The following KALRN variants were observed in gnomAD, a reference collection of about 807,000 sequenced individuals.
KALRN encodes kalirin.
A neutral mutation model predicts 353.7 loss-of-function variants in KALRN; 70 were observed. The ratio of observed to expected loss-of-function variants is 0.20; its 90% CI spans 0.16 to 0.24. The LOEUF is 0.24. Among genes scored for constraint, KALRN ranks in the 10% least tolerant of loss-of-function variants. The pLI is 1.00. For missense variants in KALRN, 2,791 were observed against 3,756.7 expected (o/e 0.74, Z 6.72); for synonymous variants, 1,391 against 1,434.8 (o/e 0.97, Z 0.69).
chr3:124,379,553 G>A (rs142382416), intron 10 of KALRN, among the ~76,000 whole-genome samples: 2 of 152,310 alleles, frequency 1.3e-5, no homozygotes, highest in East Asian at 3.9e-4. Flanking sequence ...CTCTTAAAAT[G>A]TACTAGGCAG....
chr3:124,084,664 G>A (rs773599831), intron 1 of KALRN, among the ~76,000 whole-genome samples: 10 of 152,232 alleles, frequency 6.6e-5, no homozygotes, highest in Non-Finnish European at 1.5e-4. Flanking sequence ...GTTACAACAC[G>A]TGAAGTTCTG....
chr3:124,683,223 G>T (rs1274673537), intron 51 of KALRN, among the ~76,000 whole-genome samples: 1 of 152,134 alleles, frequency 6.6e-6, no homozygotes, highest in African/African-American at 2.4e-5. Context: ...AGACTGCCTT[G>T]TGCCTTTTGC....
intron 5 of KALRN, among the ~76,000 whole-genome samples, chr3:124,286,131 C>CTTTCTTTCTTTCTT: frequency 7.0e-6 from 1 of 143,116 alleles, no homozygotes; most frequent in South Asian, 2.2e-4. Context: ...TTCTTTCTTT[C>CTTTCTTTCTTTCTT]TTTCTTTCCT....
intron 1 of KALRN, among the ~76,000 whole-genome samples, chr3:124,088,901 A>G (rs1227392584): frequency 1.3e-5 from 2 of 152,156 alleles, no homozygotes; most frequent in African/African-American, 4.8e-5. Context: ...GAGAATATTC[A>G]AATTGGCTAG....
chr3:124,379,201 G>GT (rs2086979922), intron 10 of KALRN, among the ~76,000 whole-genome samples: 1 of 151,866 alleles, frequency 6.6e-6, no homozygotes, highest in Non-Finnish European at 1.5e-5. Flanking sequence ...ACAGTCTAAT[G>GT]TTTTTCATCT....
intron 1 of KALRN, among the ~76,000 whole-genome samples, chr3:124,200,725 G>C (rs568893634): frequency 6.6e-6 from 1 of 152,268 alleles, no homozygotes; most frequent in South Asian, 2.1e-4. Flanking sequence ...AGCCTGAGAG[G>C]CTTTTCTAAG....
At chr3:124,252,535 C>T (rs867864036) in intron 3 of KALRN, among the ~76,000 whole-genome samples, 4 of 152,180 alleles carry the variant, frequency 2.6e-5, no homozygotes, top group Non-Finnish European at 5.9e-5. Flanking sequence ...TAAGATACTA[C>T]CTTTGCACCA....
At chr3:124,636,309 A>G (rs944682798) in intron 36 of KALRN, among the ~76,000 whole-genome samples, 2 of 152,130 alleles carry the variant, frequency 1.3e-5, no homozygotes, top group African/African-American at 4.8e-5. Flanking sequence ...AGGGTTAACT[A>G]TTTCTCCCCC....
In KALRN at chr3:124,633,937, C is replaced by T. The variant is rs2081069167; in HGVS notation, c.5552C>T (p.Pro1851Leu). ...PPPMKIFDNDPTQDEMSSSLL... is the reference protein window; with the variant it reads ...PPPMKIFDNDLTQDEMSSSLL... The stretch of plus-strand genomic sequence containing the variant: ...CCTATGAAGATTTTTGACAACGACC[C>T]TACACAGGATGAAATGGTAGAACTT... The change falls in exon 36 of 60, where the codon CCT becomes CTT. Residue 1851 changes from proline to leucine, a missense_variant. Coordinates refer to ENST00000682506, the MANE Select transcript of KALRN (RefSeq NM_001388419.1). The T allele has an allele frequency of 1.2e-6, 2 of 1,613,678 alleles. No homozygotes were observed. Among genetic ancestry groups the T allele is most frequent in the Non-Finnish European group, 1.7e-6 (2 of 1,179,720 alleles).
At chr3:124,372,901 A>G (rs984678443) in intron 10 of KALRN, among the ~76,000 whole-genome samples, 1 of 152,248 alleles carries the variant, frequency 6.6e-6, no homozygotes, top group South Asian at 2.1e-4. Flanking sequence ...CTTCCCTTGG[A>G]TGAGCGGTTT....
At chr3:124,557,666 G>A (rs1296785043) in intron 33 of KALRN, among the ~76,000 whole-genome samples, 3 of 152,192 alleles carry the variant, frequency 2.0e-5, no homozygotes, top group Non-Finnish European at 4.4e-5. Context: ...TGTGAACTTG[G>A]TGCCTAAGGC....
intron 11 of KALRN, among the ~76,000 whole-genome samples, chr3:124,394,147 G>A (rs2089857926): frequency 6.6e-6 from 1 of 152,232 alleles, no homozygotes; most frequent in African/African-American, 2.4e-5. Flanking sequence ...TTTGTGCAAA[G>A]GCACCATGAG....
In KALRN at chr3:124,521,819, C is replaced by G. The variant is rs567401742; in HGVS notation, c.4935+25406C>G. On this transcript the variant is annotated intron_variant, in intron 33 of 59. Transcript: ENST00000682506. ...TACAGGTGTTTCAGTGTTTTGGTCT[C>G]ACCCCAATACTTTCTCATCTCCCAG... 2.0e-3 allele frequency among the ~76,000 whole-genome samples: 310 copies of G among 152,200 alleles called. 1 individual carries two copies. The highest frequency in any genetic ancestry group is 6.8e-3 in the Middle Eastern group (2 of 294).
At chr3:124,588,063 A>C (rs2075393832) in intron 34 of KALRN, among the ~76,000 whole-genome samples, 1 of 152,152 alleles carries the variant, frequency 6.6e-6, no homozygotes, top group Non-Finnish European at 1.5e-5. Flanking sequence ...CCCTATCTTG[A>C]AACTGGTGTT....
In KALRN at chr3:124,671,874, T is replaced by C; in HGVS notation, c.6918T>C (p.Pro2306=). 1 of 1,613,876 alleles carries C rather than the reference T, an allele frequency of 6.2e-7. No homozygotes were observed. The part of the protein sequence containing the change: ...NGSPGFEYHQ[P]GDKFEASKND... ...GTCCAGGGTTTGAATACCACCAGCC[T>C]GGGGACAAGTTCGAAGCCAGCAAGG... The change falls in exon 48 of 60, where the codon CCT becomes CCC. Residue 2306 remains proline (P), a synonymous_variant. Transcript: ENST00000682506.
chr3:124,518,638 A>G, intron 33 of KALRN: 1 of 1,475,836 alleles, frequency 6.8e-7, no homozygotes, highest in Non-Finnish European at 9.0e-7. Flanking sequence ...CGCCTGGGCC[A>G]TGGGCTCACC....
chr3:124,562,793 C>G (rs550184649), intron 33 of KALRN, 50 bp from the exon 34 acceptor site: 49 of 1,277,432 alleles, frequency 3.8e-5, no homozygotes, highest in South Asian at 6.5e-5. Context: ...ATTTCTCCCC[C>G]CTTCCTCCAT....
At chr3:124,466,034 CTGTGTGTGTG>C (rs10639598) in intron 25 of KALRN, among the ~76,000 whole-genome samples, 32,186 of 147,350 alleles carry the variant, frequency 0.22, 3,578 homozygotes, top group Middle Eastern at 0.33. Flanking sequence ...CTCTCTTGCT[CTGTGTGTGTG>C]TGTGTGTGTG....
intron 37 of KALRN, among the ~76,000 whole-genome samples, chr3:124,641,833 T>A (rs1299245969): frequency 6.6e-6 from 1 of 152,198 alleles, no homozygotes; most frequent in Non-Finnish European, 1.5e-5. Context: ...TGTTGCAGGG[T>A]AATAGTTTGA....
Sources: gnomAD v4.1 joint callset for allele counts (sites outside exome capture counted in the v4.1 genomes callset) on GRCh38, gnomAD v4.1.1 for gene constraint, MANE v1.5 for transcripts, NCBI Gene and HGNC (gene_info 2026-07-23, HGNC 2026-07-21) for gene names.